The following ACADSB variants were observed in gnomAD, a reference collection of about 807,000 sequenced individuals.
ACADSB encodes the protein acyl-CoA dehydrogenase short/branched chain, also known as short/branched chain specific acyl-CoA dehydrogenase, mitochondrial.
A neutral mutation model predicts 54.1 loss-of-function variants in ACADSB; 40 were observed. The ratio of observed to expected loss-of-function variants is 0.74; its 90% CI spans 0.57 to 0.96. The LOEUF (loss-of-function observed/expected upper bound fraction) is 0.96, where lower values mean the gene tolerates loss of function less well. Ranked by LOEUF, ACADSB falls within the 40% of genes least tolerant of loss-of-function variation. The pLI is 0.00. For synonymous variants in ACADSB, 182 were observed against 182.8 expected, an observed-to-expected ratio of 1.00 and a Z score of 0.03; for missense variants, 530 against 510.4, an observed-to-expected ratio of 1.04 and a Z score of -0.37.
Position 123,056,300 on chromosome 10 carries a change from T to C in ACADSB, c.*2535T>C, listed in dbSNP as rs868538495. ...GAGGCCTCAGAATCATGGCGGGAGG[T>C]GAAAAGCACTTCGTACATGGTGGTG... On this transcript the variant is annotated 3_prime_UTR_variant, in exon 11 of 11. Coordinates refer to ENST00000358776, the MANE Select transcript of ACADSB (RefSeq NM_001609.4). 1 of 226,128 alleles carries C rather than the reference T, an allele frequency of 4.4e-6. No homozygotes were observed. Among genetic ancestry groups the C allele is most frequent in the Non-Finnish European group, 8.6e-6 (1 of 116,952 alleles). 14.0% of individuals were successfully genotyped at this position (226,128 alleles called of 1,614,324 possible). A position where few individuals can be genotyped will look rare whatever the true frequency, so the allele number is the denominator to read the frequency against.
At position 123,057,279 on chromosome 10, in the gene ACADSB, T is replaced by A. The variant is rs1292851376; in HGVS notation, c.*3514T>A. 6.6e-6 allele frequency: 1 copy of A among 152,248 alleles called. No individual in the cohort carries two copies. The highest frequency in any genetic ancestry group is 1.5e-5 in the Non-Finnish European group (1 of 68,042). The allele number at this position is 152,248 out of a possible 1,614,324, so 9.4% of individuals were successfully genotyped here. On this transcript the variant is annotated 3_prime_UTR_variant, in exon 11 of 11. Coordinates refer to ENST00000358776, the MANE Select transcript of ACADSB (RefSeq NM_001609.4). ...TATATTTATTGATCAAGTTCTAATT[T>A]GTATGTATATTTTGTGCATATTCAC...
At chr10:123,013,695 G>A (rs965175037) in intron 1 of ACADSB, among the ~76,000 whole-genome samples, 8 of 152,362 alleles carry the variant, frequency 5.3e-5, no homozygotes, top group African/African-American at 1.9e-4. Flanking sequence ...CGCGGCGCCG[G>A]TGGGCCAGCA....
rs941554553 is a variant in ACADSB at position 123,052,734 on chromosome 10, G to C, written c.1129-327G>C. ...CATTCTCCCCTTGGAGGATTTCGAC[G>C]TGTTGGTCCTCAGCTTGAAATGTCC... On this transcript the variant is annotated intron_variant, in intron 9 of 10. Coordinates refer to ENST00000358776, the MANE Select transcript of ACADSB (RefSeq NM_001609.4). This position sits in a 1 kb window ranked among gnomAD's most constrained non-coding sequence, Gnocchi z 4.2. The C allele has an allele frequency of 1.8e-5, 6 of 329,776 alleles. No individual in the cohort carries two copies. The East Asian group carries it at 3.0e-4, about 17-fold the overall frequency. 20.4% of individuals were successfully genotyped at this position (329,776 alleles called of 1,614,324 possible).
In ACADSB at chr10:123,056,998, A is replaced by G. The variant is rs575998870; in HGVS notation, c.*3233A>G. On this transcript the variant is annotated 3_prime_UTR_variant, in exon 11 of 11. Coordinates refer to ENST00000358776, the MANE Select transcript of ACADSB (RefSeq NM_001609.4). ...AGAGATGATGAAAACCCACTCATTC[A>G]CTCTTTCAGAACAAAAAGACAGTCA... The G allele has an allele frequency of 3.3e-5, 5 of 152,786 alleles. No homozygotes were observed. In the South Asian group the frequency reaches 1.0e-3, roughly 32 times the overall value. 9.5% of individuals were successfully genotyped at this position (152,786 alleles called of 1,614,324 possible). A position where few individuals can be genotyped will look rare whatever the true frequency, so the allele number is the denominator to read the frequency against.
At chr10:123,042,482 C>T (rs574060627) in intron 5 of ACADSB, among the ~76,000 whole-genome samples, 5 of 93,424 alleles carry the variant, frequency 5.4e-5, no homozygotes, top group African/African-American at 1.8e-4. Flanking sequence ...TTTTTTGAGA[C>T]GGAGTTTCGC....
At position 123,056,327 on chromosome 10, in the gene ACADSB, C is replaced by T. The variant is rs962973721; in HGVS notation, c.*2562C>T. 1 of 238,506 alleles carries T rather than the reference C, an allele frequency of 4.2e-6. No individual in the cohort carries two copies. Among genetic ancestry groups the T allele is most frequent in the Non-Finnish European group, 8.2e-6 (1 of 121,954 alleles). The allele number at this position is 238,506 out of a possible 1,614,324, so 14.8% of individuals were successfully genotyped here. On this transcript the variant is annotated 3_prime_UTR_variant, in exon 11 of 11. Coordinates refer to ENST00000358776, the MANE Select transcript of ACADSB (RefSeq NM_001609.4). The stretch of plus-strand genomic sequence containing the variant: ...AAAAGCACTTCGTACATGGTGGTGG[C>T]AAGAGAAAATGAAGAAGAAGCAAAA...
intron 6 of ACADSB, 47 bp from the exon 7 acceptor site, chr10:123,044,346 A>G (rs1850520810): frequency 6.8e-7 from 1 of 1,464,006 alleles, no homozygotes; most frequent in African/African-American, 1.4e-5. Flanking sequence ...ATCAAAATGA[A>G]TCATGGAAAA....
chr10:123,042,965 G>C lies in ACADSB; in HGVS notation c.682-81G>C, dbSNP rs1850494485. 3.9e-6 allele frequency: 6 copies of C among 1,523,904 alleles called. No individual in the cohort carries two copies. The East Asian group carries it at 9.2e-5, about 23-fold the overall frequency. The allele number at this position is 1,523,904 out of a possible 1,614,324, so 94.4% of individuals were successfully genotyped here. On this transcript the variant is annotated intron_variant, in intron 5 of 10. Coordinates refer to ENST00000358776, the MANE Select transcript of ACADSB (RefSeq NM_001609.4). ...TATTTATTACCAAAGTCCATTTTTAGTTTTCTTTTTACTTAAACTCTTCAG... is the reference window on the plus strand; with the variant it reads ...TATTTATTACCAAAGTCCATTTTTACTTTTCTTTTTACTTAAACTCTTCAG...
chr10:123,051,596 G>A (rs1471936305), intron 9 of ACADSB, among the ~76,000 whole-genome samples: 1 of 152,186 alleles, frequency 6.6e-6, no homozygotes, highest in Non-Finnish European at 1.5e-5. Context: ...CGTGGAAGAT[G>A]ATGGGTCCAT....
chr10:123,011,291 A>G (rs1024809984), intron 1 of ACADSB, among the ~76,000 whole-genome samples: 2 of 152,222 alleles, frequency 1.3e-5, no homozygotes, highest in African/African-American at 4.8e-5. Context: ...TAGGTATATT[A>G]GTGGCTTCAT....
Position 123,057,742 on chromosome 10 carries a change from C to T in ACADSB, c.*3977C>T, listed in dbSNP as rs1385228010. 3.3e-5 allele frequency: 5 copies of T among 152,112 alleles called. No individual in the cohort carries two copies. The highest frequency in any genetic ancestry group is 5.9e-5 in the Non-Finnish European group (4 of 68,032). The allele number at this position is 152,112 out of a possible 1,614,324, so 9.4% of individuals were successfully genotyped here. A position where few individuals can be genotyped will look rare whatever the true frequency, so the allele number is the denominator to read the frequency against. On this transcript the variant is annotated 3_prime_UTR_variant, in exon 11 of 11. Coordinates refer to ENST00000358776, the MANE Select transcript of ACADSB (RefSeq NM_001609.4). ...AAAATCTAGAAAGACCTTAGAGAAC[C>T]AGCCAACCAACTCTCTCATTTTAAA... is the stretch of plus-strand genomic sequence containing the variant.
intron 3 of ACADSB, 141 bp from the exon 4 acceptor site, chr10:123,040,325 T>G: frequency 1.3e-6 from 1 of 762,202 alleles, no homozygotes; most frequent in South Asian, 1.8e-5. Context: ...CACTCCAGCC[T>G]GGGAGACGGA....
chr10:123,039,555 C>G (rs564647727), intron 3 of ACADSB, among the ~76,000 whole-genome samples: 13 of 152,318 alleles, frequency 8.5e-5, no homozygotes, highest in African/African-American at 3.1e-4. Context: ...GTGGCTCTAG[C>G]AAACACCACC....
chr10:123,047,568 CAGGGCAGGGGGT>C (rs1434681272), intron 8 of ACADSB, among the ~76,000 whole-genome samples: 1 of 152,128 alleles, frequency 6.6e-6, no homozygotes, highest in Non-Finnish European at 1.5e-5. Context: ...TTCAGAAGCT[CAGGGCAGGGGGT>C]CTGGAGTCAG....
At chr10:123,041,110 T>C in intron 4 of ACADSB, 99 bp from the exon 5 acceptor site, 1 of 1,329,298 alleles carries the variant, frequency 7.5e-7, no homozygotes, top group Non-Finnish European at 1.1e-6. Context: ...AAAAAGCAGC[T>C]AAAGATTTGA....
chr10:123,021,726 C>T (rs935070058), intron 1 of ACADSB, among the ~76,000 whole-genome samples: 1 of 152,164 alleles, frequency 6.6e-6, no homozygotes, highest in East Asian at 1.9e-4. Context: ...GAGCTCTTCA[C>T]GCAACAGGGC....
At chr10:123,029,975 G>A (rs1175173750) in intron 1 of ACADSB, among the ~76,000 whole-genome samples, 2 of 152,122 alleles carry the variant, frequency 1.3e-5, no homozygotes, top group Non-Finnish European at 2.9e-5. Flanking sequence ...TCCTCACTTG[G>A]CAGAACGGAA....
In ACADSB at chr10:123,010,217, G is replaced by A. The variant is rs182123355; in HGVS notation, c.42+1146G>A. On this transcript the variant is annotated intron_variant, in intron 1 of 10. Transcript: ENST00000358776. Reference sequence around the variant, plus strand: ...GTAGGCACGTTCTCGTTCTACCTGAGTCATCTCAATTCTCACAACCATCTT... The same window carrying A: ...GTAGGCACGTTCTCGTTCTACCTGAATCATCTCAATTCTCACAACCATCTT... Among the ~76,000 whole-genome samples, 4 of 152,308 alleles carry A rather than the reference G, an allele frequency of 2.6e-5. No homozygotes were observed. The East Asian group carries it at 7.7e-4, about 29-fold the overall frequency.
At chr10:123,009,920 T>C (rs1297404252) in intron 1 of ACADSB, among the ~76,000 whole-genome samples, 3 of 152,296 alleles carry the variant, frequency 2.0e-5, no homozygotes, top group Non-Finnish European at 2.9e-5. Flanking sequence ...CGTGTGCTTT[T>C]AATGTTTCCT....
Sources: allele counts gnomAD v4.1 joint callset (sites outside exome capture counted in the v4.1 genomes callset), GRCh38; gene constraint gnomAD v4.1.1; non-coding constraint Gnocchi (gnomAD v3.1); transcripts MANE v1.5; gene names NCBI Gene and HGNC (gene_info 2026-07-23, HGNC 2026-07-21).